The following LRRC56 variants were observed in gnomAD, a reference collection of about 807,000 sequenced individuals.
LRRC56 encodes the protein leucine-rich repeat-containing protein 56.
A neutral mutation model predicts 47.8 loss-of-function variants in LRRC56; 41 were observed. The ratio of observed to expected loss-of-function variants is 0.86; its 90% CI spans 0.67 to 1.11. The LOEUF (loss-of-function observed/expected upper bound fraction) is 1.11. Ranked by LOEUF, LRRC56 falls within the 50% of genes most tolerant of loss-of-function variation. The pLI is 0.00. For missense variants in LRRC56, 759 were observed against 704.2 expected, an observed-to-expected ratio of 1.08 and a Z score of -0.88; for synonymous variants, 387 against 311.2, an observed-to-expected ratio of 1.24 and a Z score of -2.56.
In LRRC56 at chr11:538,579, C is replaced by T. The variant is rs1041024233; in HGVS notation, c.-421-19C>T. 1 of 152,450 alleles carries T rather than the reference C, an allele frequency of 6.6e-6. No individual in the cohort carries two copies. The highest frequency in any genetic ancestry group is 2.1e-4 in the South Asian group (1 of 4,830). 9.4% of individuals were successfully genotyped at this position (152,450 alleles called of 1,614,324 possible). A position where few individuals can be genotyped will look rare whatever the true frequency, so the allele number is the denominator to read the frequency against. ...CACTGCCCCGCTCCAACACTCCCAC[C>T]CACCACCTCTGTCAACAGCCGGCCA... On this transcript the variant is annotated intron_variant, in intron 1 of 13. Coordinates refer to ENST00000270115, the MANE Select transcript of LRRC56 (RefSeq NM_198075.4).
At chr11:508,493 G>A in the LRRC56 span, among the ~76,000 whole-genome samples, 5 of 152,262 alleles carry the variant, frequency 3.3e-5, no homozygotes, top group Non-Finnish European at 7.3e-5. Context: ...CTGGCCGGGC[G>A]TGGTGGCTCA....
intron 5 of LRRC56, among the ~76,000 whole-genome samples, chr11:542,854 C>T (rs927421326): frequency 2.0e-5 from 3 of 152,126 alleles, no homozygotes; most frequent in Non-Finnish European, 2.9e-5. Flanking sequence ...TGACTCTTAG[C>T]CATGCTGAAG....
intron 8 of LRRC56, among the ~76,000 whole-genome samples, chr11:550,794 C>T (rs184204096): frequency 4.6e-5 from 7 of 152,282 alleles, no homozygotes; most frequent in East Asian, 1.9e-4. Context: ...GGTGCTGCCA[C>T]ATGCTGAGGT....
the LRRC56 span, chr11:506,678 C>T: frequency 6.6e-6 from 1 of 152,318 alleles, no homozygotes; most frequent in African/African-American, 2.4e-5. Context: ...CCCGGGAGGC[C>T]GCTTCTTTGG....
chr11:548,139 T>G (rs1385554396), intron 6 of LRRC56, among the ~76,000 whole-genome samples: 1 of 151,592 alleles, frequency 6.6e-6, no homozygotes, highest in Non-Finnish European at 1.5e-5. Context: ...AAATTAAAAA[T>G]TAAAAAATTT....
In LRRC56 at chr11:549,986, G is replaced by C; in HGVS notation, c.411G>C (p.Leu137Phe). The change falls in exon 7 of 14, where the codon TTG (leucine) becomes TTC (phenylalanine). Residue 137 changes from leucine to phenylalanine, a missense_variant. Physicochemically the swap from Leu to Phe is conservative, Grantham distance 22 (BLOSUM62 0). Transcript: ENST00000270115. Reference protein sequence around the residue: ...GLADLDGIASLPALKELYASY... With the variant: ...GLADLDGIASFPALKELYASY... ...CTGACCTGGATGGCATCGCCTCTTT[G>C]CCAGCACTTAAGGTGAGTCTGGGCA... The C allele has an allele frequency of 6.2e-7, 1 of 1,612,778 alleles. No individual in the cohort carries two copies. Among genetic ancestry groups the C allele is most frequent in the Non-Finnish European group, 8.5e-7 (1 of 1,179,830 alleles).
chr11:531,983 C>T, the LRRC56 span, among the ~76,000 whole-genome samples: 13 of 152,358 alleles, frequency 8.5e-5, no homozygotes, highest in African/African-American at 2.9e-4. Context: ...AGGACCAGGA[C>T]GCCCTCCTAG....
chr11:543,692 C>T (rs552323611), intron 5 of LRRC56, among the ~76,000 whole-genome samples: 24 of 152,318 alleles, frequency 1.6e-4, no homozygotes, highest in Non-Finnish European at 3.1e-4. Flanking sequence ...TGCACTCACT[C>T]GAGCCCTTCC....
intron 6 of LRRC56, 91 bp downstream of exon 6, chr11:544,871 G>A: frequency 2.5e-6 from 3 of 1,221,076 alleles, no homozygotes; most frequent in Non-Finnish European, 2.3e-6. Flanking sequence ...CTTGGTGGGA[G>A]TGGGGGGACT....
the LRRC56 span, among the ~76,000 whole-genome samples, chr11:518,261 A>G: frequency 6.6e-6 from 1 of 151,782 alleles, no homozygotes; most frequent in African/African-American, 2.4e-5. Context: ...AGCTCACTGC[A>G]AGCTCCGCCT....
At chr11:552,360 G>T (rs924304796) in intron 12 of LRRC56, 128 bp downstream of exon 12, 1 of 1,351,922 alleles carries the variant, frequency 7.4e-7, no homozygotes, top group Non-Finnish European at 1.0e-6. Context: ...CCTGTCCCGT[G>T]GGGGGATCAG....
At chr11:510,635 G>T in the LRRC56 span, among the ~76,000 whole-genome samples, 1 of 152,150 alleles carries the variant, frequency 6.6e-6, no homozygotes, top group Non-Finnish European at 1.5e-5. Context: ...CTACTCGGGA[G>T]ACTGAGGCAT....
upstream of LRRC56, among the ~76,000 whole-genome samples, chr11:533,096 C>T (rs45489193): frequency 8.7e-3 from 1,326 of 152,338 alleles, 27 homozygotes; most frequent in African/African-American, 0.03. Flanking sequence ...AACAGGTGCC[C>T]GTGGGACACT....
intron 6 of LRRC56, among the ~76,000 whole-genome samples, chr11:549,503 C>T (rs1054916333): frequency 3.3e-5 from 5 of 152,366 alleles, no homozygotes; most frequent in East Asian, 1.9e-4. Context: ...CCCCCCACAT[C>T]GGTGTCCAGG....
rs79700941 is a variant in LRRC56 at position 553,337 on chromosome 11, G to A, written c.1316-626G>A. Among the ~76,000 whole-genome samples, 514 of 152,258 alleles carry A rather than the reference G, an allele frequency of 3.4e-3. 1 individual carries two copies. The highest frequency in any genetic ancestry group is 0.012 in the African/African-American group (479 of 41,542). On this transcript the variant is annotated intron_variant, in intron 13 of 13. Coordinates refer to ENST00000270115, the MANE Select transcript of LRRC56 (RefSeq NM_198075.4). Reference sequence around the variant, plus strand: ...CACGGTGGGCAGCTGACCCTCCTCTGTGCAGGAGCCTGGTTAAGGGGGCTG... The same window carrying A: ...CACGGTGGGCAGCTGACCCTCCTCTATGCAGGAGCCTGGTTAAGGGGGCTG...
the LRRC56 span, among the ~76,000 whole-genome samples, chr11:519,243 C>A: frequency 1.3e-5 from 2 of 150,782 alleles, no homozygotes; most frequent in African/African-American, 2.4e-5. Flanking sequence ...AGGAACGTGG[C>A]CTGATACACA....
Position 551,216 on chromosome 11 carries a change from CAG to C in LRRC56, c.711_712del (p.Gly238ProfsTer39), listed in dbSNP as rs1031259707. 7.1e-6 allele frequency: 11 copies of C among 1,547,398 alleles called. No individual in the cohort carries two copies. Among genetic ancestry groups the C allele is most frequent in the Non-Finnish European group, 9.6e-6 (11 of 1,145,174 alleles). ...CTGGACGAAGTGCCGGCCGCACACA[CAG>C]GCCCACCGGCCCCCCCGCGGCTGAG... On this transcript the variant is annotated frameshift_variant, in exon 9 of 14. Coordinates refer to ENST00000270115, the MANE Select transcript of LRRC56 (RefSeq NM_198075.4). LOFTEE classifies it high-confidence loss of function.
intron 5 of LRRC56, among the ~76,000 whole-genome samples, chr11:543,385 T>C (rs1206158123): frequency 1.4e-5 from 2 of 146,004 alleles, no homozygotes; most frequent in Non-Finnish European, 3.0e-5. Context: ...CGAGTAATTT[T>C]TGTATTTTTA....
At chr11:535,929 G>C (rs1342993430), upstream of LRRC56, among the ~76,000 whole-genome samples, 1 of 152,140 alleles carries the variant, frequency 6.6e-6, no homozygotes, top group East Asian at 1.9e-4. Flanking sequence ...TCCCTGCGCC[G>C]GCAGCGCGGC....
Sources: allele counts gnomAD v4.1 joint callset (sites outside exome capture counted in the v4.1 genomes callset), GRCh38; gene constraint gnomAD v4.1.1; transcripts MANE v1.5; gene names NCBI Gene and HGNC (gene_info 2026-07-23, HGNC 2026-07-21).